ASB7: variants seen among roughly 807,000 people sequenced by gnomAD.
ASB7 encodes the protein ankyrin repeat and SOCS box containing 7.
A neutral mutation model predicts 32.5 loss-of-function variants in ASB7; 4 were observed. That is an observed-to-expected ratio of 0.12 (90% CI 0.06 to 0.28). ASB7 has a LOEUF of 0.28. Among genes scored for constraint, ASB7 ranks in the 10% least tolerant of loss-of-function variants. The pLI, the probability that ASB7 is intolerant of heterozygous loss-of-function variation, is 1.00. For missense variants in ASB7, 181 were observed against 407.1 expected (o/e 0.44, Z 4.78); for synonymous variants, 172 against 155.6 (o/e 1.11, Z -0.78).
intron 4 of ASB7, among the ~76,000 whole-genome samples, chr15:100,620,520 G>C (rs992589342): frequency 3.3e-4 from 27 of 81,596 alleles, no homozygotes; most frequent in African/African-American, 8.0e-4. Context: ...CAAATGGGAT[G>C]CATATAATAG....
chr15:100,646,677 GC>G (rs2039999107), intron 5 of ASB7: 1 of 210,902 alleles, frequency 4.7e-6, no homozygotes, highest in African/African-American at 2.3e-5. Context: ...TACACGACTT[GC>G]CCACAGTTAT....
intron 5 of ASB7, among the ~76,000 whole-genome samples, chr15:100,634,282 G>A (rs1395919984): frequency 6.6e-6 from 1 of 152,222 alleles, no homozygotes; most frequent in African/African-American, 2.4e-5. Context: ...ACCTCAGGCA[G>A]TGACTAGCAG....
intron 2 of ASB7, among the ~76,000 whole-genome samples, chr15:100,608,756 C>G (rs1346542356): frequency 6.6e-6 from 1 of 152,174 alleles, no homozygotes; most frequent in Non-Finnish European, 1.5e-5. Flanking sequence ...AGTTGGCAAA[C>G]TCTTTACCTT....
At chr15:100,630,391 T>C (rs964052582) in intron 5 of ASB7, among the ~76,000 whole-genome samples, 2 of 152,218 alleles carry the variant, frequency 1.3e-5, no homozygotes, top group Non-Finnish European at 2.9e-5. Context: ...TTCCATTGAC[T>C]GCAAGTTGAG....
intron 4 of ASB7, among the ~76,000 whole-genome samples, chr15:100,626,557 GACCCAGCAAGTCTCTCGTGGGTATTGA>G (rs2039838777): frequency 6.6e-6 from 1 of 152,072 alleles, no homozygotes; most frequent in Non-Finnish European, 1.5e-5. Context: ...TTTCACATAC[GACCCAGCAAGTCTCTCGTGGGTATTGA>G]ACCCAAGTGA....
chr15:100,643,477 CTTTTTTTTTTTTTT>C (rs1172063471), intron 5 of ASB7, among the ~76,000 whole-genome samples: 5 of 104,380 alleles, frequency 4.8e-5, no homozygotes, highest in Non-Finnish European at 9.7e-5. Context: ...GTCCCTTCTT[CTTTTTTTTTTTTTT>C]TTTTTTTTTT....
At chr15:100,604,010 A>G (rs961199437) in intron 2 of ASB7, among the ~76,000 whole-genome samples, 3 of 152,248 alleles carry the variant, frequency 2.0e-5, no homozygotes, top group Non-Finnish European at 2.9e-5. Context: ...TTATAAAGAT[A>G]CAATGTTTCT....
At chr15:100,603,590 C>G (rs2039595250) in intron 2 of ASB7, among the ~76,000 whole-genome samples, 1 of 152,194 alleles carries the variant, frequency 6.6e-6, no homozygotes, top group African/African-American at 2.4e-5. Flanking sequence ...TTACTCTGCT[C>G]TGAGGCTTTG....
chr15:100,640,167 A>G (rs749591351), intron 5 of ASB7, among the ~76,000 whole-genome samples: 7 of 151,852 alleles, frequency 4.6e-5, no homozygotes, highest in Non-Finnish European at 7.4e-5. Context: ...TTTTTTTGAG[A>G]CAGAGTCTCA....
In ASB7 at chr15:100,612,364, C is replaced by T. The variant is rs757398950; in HGVS notation, c.148C>T (p.Leu50=). Residue 50 remains leucine, a synonymous_variant, in exon 4 of 6, where the codon CTG becomes TTG. Coordinates refer to ENST00000332783, the MANE Select transcript of ASB7 (RefSeq NM_198243.3). Reference sequence around the variant, plus strand: ...TGGCCGAGATGCGAATGGCTGGACTCTGCTTCATTTCTCTGCAGCAAGAGG... The same window carrying T: ...TGGCCGAGATGCGAATGGCTGGACTTTGCTTCATTTCTCTGCAGCAAGAGG... ...PNGRDANGWT[L]LHFSAARGKE... The T allele has an allele frequency of 1.5e-5, 24 of 1,614,182 alleles. No individual in the cohort carries two copies. Among genetic ancestry groups the T allele is most frequent in the Non-Finnish European group, 1.9e-5 (23 of 1,179,992 alleles).
chr15:100,611,527 T>C (rs2039695987), intron 3 of ASB7, among the ~76,000 whole-genome samples: 2 of 133,396 alleles, frequency 1.5e-5, no homozygotes, highest in African/African-American at 5.6e-5. Flanking sequence ...TTGCCCAGGC[T>C]GGAGTGCAGT....
At chr15:100,611,533 G>A (rs1198049830) in intron 3 of ASB7, among the ~76,000 whole-genome samples, 3 of 112,130 alleles carry the variant, frequency 2.7e-5, no homozygotes, top group Admixed American at 1.4e-4. Flanking sequence ...AGGCTGGAGT[G>A]CAGTGGCGCA....
chr15:100,621,840 A>G (rs945802325), intron 4 of ASB7, among the ~76,000 whole-genome samples: 13 of 151,712 alleles, frequency 8.6e-5, no homozygotes, highest in African/African-American at 2.7e-4. Context: ...AATAAAATTG[A>G]TGAATCTTTG....
chr15:100,643,887 A>G (rs2039979745), intron 5 of ASB7, among the ~76,000 whole-genome samples: 1 of 152,184 alleles, frequency 6.6e-6, no homozygotes, highest in Non-Finnish European at 1.5e-5. Flanking sequence ...GTATGCCTGT[A>G]TACACATACG....
At chr15:100,609,465 A>G (rs1216899638) in intron 2 of ASB7, 1 of 152,082 alleles carries the variant, frequency 6.6e-6, no homozygotes, top group South Asian at 2.1e-4. Context: ...TATTTTTTTT[A>G]TTTGCTCTTT....
intron 4 of ASB7, among the ~76,000 whole-genome samples, chr15:100,619,073 G>T (rs4965686): frequency 0.98 from 149,280 of 152,208 alleles, 73,289 homozygotes; most frequent in Middle Eastern, 1. Flanking sequence ...TGAATTTAAG[G>T]GCCATGTGTA....
chr15:100,638,694 T>C (rs1460105516), intron 5 of ASB7, among the ~76,000 whole-genome samples: 2 of 152,186 alleles, frequency 1.3e-5, no homozygotes, highest in African/African-American at 2.4e-5. Context: ...TAATTATTAT[T>C]TTAAGTTCTG....
rs764246746 is a variant in ASB7, at chr15:100,649,826, C to T, written c.*1364C>T. On this transcript the variant is annotated 3_prime_UTR_variant, in exon 6 of 6. Transcript: ENST00000332783. ...AGAACCTTTTCAAATGTCCCAGTAT[C>T]GTTCTTAGTGCTTTGGGAAAAAATA... 9.9e-5 allele frequency: 15 copies of T among 152,186 alleles called. No individual in the cohort carries two copies. The highest frequency in any genetic ancestry group is 2.1e-4 in the Non-Finnish European group (14 of 68,038). 9.4% of individuals were successfully genotyped at this position (152,186 alleles called of 1,614,324 possible). A position where few individuals can be genotyped will look rare whatever the true frequency, so the allele number is the denominator to read the frequency against.
intron 5 of ASB7, among the ~76,000 whole-genome samples, chr15:100,640,346 T>C (rs904438933): frequency 1.3e-5 from 2 of 152,222 alleles, no homozygotes; most frequent in Non-Finnish European, 2.9e-5. Context: ...GGTTTCGCCA[T>C]GATGGTCAGG....
Sources: allele counts gnomAD v4.1 joint callset (sites outside exome capture counted in the v4.1 genomes callset), GRCh38; gene constraint gnomAD v4.1.1; transcripts MANE v1.5; gene names NCBI Gene and HGNC (gene_info 2026-07-23, HGNC 2026-07-21).